Variants in UBR4 observed in about 807,000 individuals in gnomAD.
The protein encoded by UBR4 is ubiquitin protein ligase E3 component n-recognin 4.
In UBR4, 124 loss-of-function variants were observed where a neutral mutation model predicts 575.6. The ratio of observed to expected loss-of-function variants is 0.22; its 90% CI spans 0.19 to 0.25. UBR4 has a LOEUF of 0.25. Ranked by LOEUF, UBR4 falls within the 10% of genes least tolerant of loss-of-function variation. UBR4 has a pLI of 1.00. For missense variants in UBR4, 4,818 were observed against 6,478.8 expected (o/e 0.74, Z 8.80); for synonymous variants, 2,455 against 2,473.7 (o/e 0.99, Z 0.22).
chr1:19,159,629 G>T (rs1277795833), intron 39 of UBR4, among the ~76,000 whole-genome samples: 2 of 146,908 alleles, frequency 1.4e-5, no homozygotes, highest in East Asian at 4.0e-4. Flanking sequence ...TTGAGAGAGA[G>T]TCTCACTCCG....
chr1:19,122,747 G>A, intron 66 of UBR4, 86 bp downstream of exon 66: 7 of 1,438,564 alleles, frequency 4.9e-6, no homozygotes, highest in South Asian at 4.7e-5. Context: ...TAAAAGTCCT[G>A]CATTATTACC....
chr1:19,193,899 G>A (rs2092287590), intron 8 of UBR4, among the ~76,000 whole-genome samples: 1 of 152,134 alleles, frequency 6.6e-6, no homozygotes, highest in South Asian at 2.1e-4. Context: ...GAGAAGACAT[G>A]GAGGAACTAT....
chr1:19,113,516 C>G, intron 77 of UBR4, 183 bp downstream of exon 77: 1 of 824,650 alleles, frequency 1.2e-6, no homozygotes, highest in Non-Finnish European at 1.9e-6. Context: ...TTCTGACCAG[C>G]GCCATAAATC....
chr1:19,172,338 G>A (rs975160731), intron 25 of UBR4, among the ~76,000 whole-genome samples: 6 of 151,962 alleles, frequency 3.9e-5, no homozygotes, highest in Non-Finnish European at 5.9e-5. Context: ...CCAACATGGC[G>A]AAACCCCGTC....
chr1:19,151,577 G>A, intron 48 of UBR4, 66 bp downstream of exon 48: 1 of 1,546,918 alleles, frequency 6.5e-7, no homozygotes, highest in East Asian at 2.2e-5. Context: ...GACAGCCACA[G>A]GCCAGTGGCT....
At chr1:19,150,140 A>C (rs201156471) in intron 49 of UBR4, among the ~76,000 whole-genome samples, 1 of 152,194 alleles carries the variant, frequency 6.6e-6, no homozygotes, top group Non-Finnish European at 1.5e-5. Flanking sequence ...GAGGCAGCAG[A>C]CAGCCTCTCT....
rs531046026 is a variant in UBR4 at position 19,200,531 on chromosome 1, C to G, written c.275-777G>C. 3.9e-3 allele frequency among the ~76,000 whole-genome samples: 597 copies of G among 152,086 alleles called. 3 individuals carry two copies. Among genetic ancestry groups the G allele is most frequent in the African/African-American group, 0.013 (530 of 41,486 alleles). On this transcript the variant is annotated intron_variant, in intron 2 of 105. Coordinates refer to ENST00000375254, the MANE Select transcript of UBR4 (RefSeq NM_020765.3). The stretch of plus-strand genomic sequence containing the variant: ...TCGGGAGGCTGAGGCGGGTGGATCA[C>G]TTCAGCCCAGGAGTTTGAGACCAGC...
chr1:19,199,329 G>T (rs756557272), intron 3 of UBR4, among the ~76,000 whole-genome samples: 9 of 152,124 alleles, frequency 5.9e-5, no homozygotes, highest in Non-Finnish European at 1.2e-4. Flanking sequence ...GGCCCCTGCA[G>T]GTATGTAAGT....
chr1:19,114,735 GC>G (rs2080297262), intron 75 of UBR4, 75 bp downstream of exon 75: 1 of 1,569,760 alleles, frequency 6.4e-7, no homozygotes, highest in East Asian at 2.3e-5. Context: ...AAAGTAAAGT[GC>G]ACTGCACTGC....
intron 4 of UBR4, 44 bp from the exon 5 acceptor site, chr1:19,198,724 C>T: frequency 1.2e-6 from 2 of 1,612,632 alleles, no homozygotes; most frequent in Non-Finnish European, 1.7e-6. Flanking sequence ...GAAAGTGCCA[C>T]TAGAAGGCAA....
Position 19,152,351 on chromosome 1 carries a change from G to A in UBR4, c.6958C>T (p.Arg2320Trp), listed in dbSNP as rs2085855152. Residue 2320 changes from arginine (R) to tryptophan (W), a missense_variant, in exon 47 of 106, where the codon CGG becomes TGG. Arg to Trp is a moderately radical substitution (Grantham distance 101). Transcript: ENST00000375254. This position sits in a 1 kb window ranked among gnomAD's most constrained non-coding sequence, Gnocchi z 4.4. ...QVYNAQQIKH[R>W]LNSTGMYVAN... is the part of the protein sequence containing the mutation. Reference sequence around the variant, plus strand: ...ACATACATGCCAGTGGAATTCAGCCGGTGTTTTATCTGTTGTGCATTATAG... The same window carrying A: ...ACATACATGCCAGTGGAATTCAGCCAGTGTTTTATCTGTTGTGCATTATAG... 1.2e-6 allele frequency: 2 copies of A among 1,613,764 alleles called. No individual in the cohort carries two copies. The highest frequency in any genetic ancestry group is 1.7e-6 in the Non-Finnish European group (2 of 1,179,844).
chr1:19,077,053 T>G, intron 104 of UBR4, 151 bp from the exon 105 acceptor site: 3 of 761,944 alleles, frequency 3.9e-6, no homozygotes, highest in Non-Finnish European at 6.1e-6. Flanking sequence ...GCGTGCGTTT[T>G]GTCTCCAGGA....
In UBR4 at chr1:19,157,668, C is replaced by T. The variant is rs537129694; in HGVS notation, c.5760+147G>A. 5.5e-5 allele frequency: 57 copies of T among 1,033,576 alleles called. No homozygotes were observed. In the South Asian group the frequency reaches 7.4e-4, roughly 13 times the overall value. The allele number at this position is 1,033,576 out of a possible 1,614,324, so 64.0% of individuals were successfully genotyped here. The stretch of plus-strand genomic sequence containing the variant: ...ATTCAGGGTTCAAGTATTTGAAAAG[C>T]TCAACAAGATCTGTCCCTGAAGCAT... On this transcript the variant is annotated intron_variant, in intron 40 of 105. Coordinates refer to ENST00000375254, the MANE Select transcript of UBR4 (RefSeq NM_020765.3). The surrounding 1 kb of genome is among the most constrained non-coding windows in gnomAD (Gnocchi z 4.4).
chr1:19,118,707 T>C, intron 71 of UBR4, 165 bp downstream of exon 71: 1 of 658,926 alleles, frequency 1.5e-6, no homozygotes, highest in African/African-American at 1.8e-5. Context: ...GTACCTTCTA[T>C]TTGCAAGACC....
chr1:19,094,763 T>C (rs1208445617), intron 94 of UBR4, 143 bp downstream of exon 94: 2 of 1,110,996 alleles, frequency 1.8e-6, no homozygotes, highest in Non-Finnish European at 2.5e-6. Flanking sequence ...TATGTCATCA[T>C]TAGTTGAGTC....
rs758775894 is a variant in UBR4, at chr1:19,156,373, C to T, written c.5970G>A (p.Leu1990=). 1.9e-6 allele frequency: 3 copies of T among 1,614,158 alleles called. No individual in the cohort carries two copies. The highest frequency in any genetic ancestry group is 3.3e-5 in the Admixed American group (2 of 60,022). ...FSSSGSVSDH[L]VLHPQLATGN... ...CCGTTGCCAACTGAGGGTGCAAAACCAAGTGATCCGAAACAGAGCCTGAGC... is the reference window on the plus strand; with the variant it reads ...CCGTTGCCAACTGAGGGTGCAAAACTAAGTGATCCGAAACAGAGCCTGAGC... The change falls in exon 42 of 106, where the codon TTG becomes TTA. Residue 1990 remains leucine (L), a synonymous_variant. Coordinates refer to ENST00000375254, the MANE Select transcript of UBR4 (RefSeq NM_020765.3).
At position 19,121,342 on chromosome 1, in the gene UBR4, T is replaced by C; in HGVS notation, c.9988A>G (p.Ser3330Gly). Reference sequence around the variant, plus strand: ...GCTGCCAGTGCAGCGAGCACCTTGCTGCCGCACAGAGCACAGGAGAGCAGT... The same window carrying C: ...GCTGCCAGTGCAGCGAGCACCTTGCCGCCGCACAGAGCACAGGAGAGCAGT... ...LQLLSCALCG[S>G]KVLAALAASS... The change falls in exon 68 of 106, where the codon AGC becomes GGC. Residue 3330 changes from serine (S) to glycine (G), a missense_variant. Around this residue, in one of 29 missense-constraint regions of UBR4, gnomAD observed 550 missense variants for 791.5 expected, o/e 0.69. Coordinates refer to ENST00000375254, the MANE Select transcript of UBR4 (RefSeq NM_020765.3). The C allele has an allele frequency of 6.2e-7, 1 of 1,614,206 alleles. No homozygotes were observed. The highest frequency in any genetic ancestry group is 8.5e-7 in the Non-Finnish European group (1 of 1,180,012).
chr1:19,093,094 G>A lies in UBR4; in HGVS notation c.14112-176C>T, dbSNP rs1453998702. On this transcript the variant is annotated intron_variant, in intron 96 of 105. Coordinates refer to ENST00000375254, the MANE Select transcript of UBR4 (RefSeq NM_020765.3). The surrounding 1 kb of genome is among the most constrained non-coding windows in gnomAD (Gnocchi z 4.8). ...CAGCTGAAAAGCCAGAAAGAAGTGA[G>A]TACTCTAAGTAGAAACCAAAAAGTT... Among the ~76,000 whole-genome samples the A allele has an allele frequency of 3.9e-5, 6 of 152,214 alleles. No individual in the cohort carries two copies. Among genetic ancestry groups the A allele is most frequent in the Admixed American group, 6.5e-5 (1 of 15,282 alleles).
chr1:19,184,836 G>A (rs538965625), intron 15 of UBR4, among the ~76,000 whole-genome samples: 1 of 152,206 alleles, frequency 6.6e-6, no homozygotes, highest in South Asian at 2.1e-4. Context: ...CATATGATAG[G>A]AGACAAAACT....
Sources: gnomAD v4.1 joint callset for allele counts (sites outside exome capture counted in the v4.1 genomes callset) on GRCh38, gnomAD v4.1.1 for gene constraint, gnomAD v4.1.1 regional missense constraint, Gnocchi (gnomAD v3.1) non-coding constraint, MANE v1.5 for transcripts, NCBI Gene and HGNC (gene_info 2026-07-23, HGNC 2026-07-21) for gene names.